Variants in ASIC2 observed in about 807,000 individuals in gnomAD.
ASIC2 encodes the protein acid-sensing ion channel 2.
Under a neutral mutation model 57.3 loss-of-function variants are expected in ASIC2, and 25 were observed. That is an observed-to-expected ratio of 0.44 (90% CI 0.32 to 0.61). The LOEUF (loss-of-function observed/expected upper bound fraction) is 0.61. Among genes scored for constraint, ASIC2 ranks in the 20% least tolerant of loss-of-function variants. The probability of loss-of-function intolerance (pLI) is 0.06; values close to 1 mark genes in which losing one functional copy is unlikely to be tolerated. For missense variants in ASIC2, 641 were observed against 738.1 expected (o/e 0.87, Z 1.52); for synonymous variants, 319 against 307.5 (o/e 1.04, Z -0.39).
chr17:33,901,370 T>C (rs1024782450), intron 1 of ASIC2, among the ~76,000 whole-genome samples: 4 of 152,142 alleles, frequency 2.6e-5, no homozygotes, highest in South Asian at 2.1e-4. Flanking sequence ...AGATAGAGCA[T>C]CTAGACTGTC....
chr17:33,393,838 G>A (rs1909984071), intron 1 of ASIC2, among the ~76,000 whole-genome samples: 1 of 152,100 alleles, frequency 6.6e-6, no homozygotes, highest in Non-Finnish European at 1.5e-5. Context: ...GCTTGACTGA[G>A]GCCATATGTT....
At chr17:33,809,897 T>C (rs1452961241) in intron 1 of ASIC2, among the ~76,000 whole-genome samples, 1 of 152,236 alleles carries the variant, frequency 6.6e-6, no homozygotes, top group Non-Finnish European at 1.5e-5. Context: ...TTCTTTTCAA[T>C]AAAGCAAGGA....
chr17:33,860,098 A>T (rs1365618246), intron 1 of ASIC2, among the ~76,000 whole-genome samples: 1 of 152,198 alleles, frequency 6.6e-6, no homozygotes, highest in Admixed American at 6.5e-5. Context: ...GGTGGCTCTG[A>T]GGAAGGCTAA....
intron 1 of ASIC2, among the ~76,000 whole-genome samples, chr17:33,969,578 C>T (rs62057448): frequency 0.16 from 24,549 of 152,156 alleles, 2,573 homozygotes; most frequent in East Asian, 0.3. Flanking sequence ...GAGCCCATTA[C>T]TATTGTGGAC....
intron 1 of ASIC2, among the ~76,000 whole-genome samples, chr17:33,636,288 G>A (rs1906361130): frequency 6.6e-6 from 1 of 152,124 alleles, no homozygotes; most frequent in African/African-American, 2.4e-5. Context: ...TATTTATAAG[G>A]ATATCCTGAG....
chr17:33,437,012 C>T (rs1416758403), intron 1 of ASIC2, among the ~76,000 whole-genome samples: 2 of 150,298 alleles, frequency 1.3e-5, no homozygotes, highest in African/African-American at 4.9e-5. Context: ...ACTACAGGCG[C>T]CCGCTACCAC....
intron 1 of ASIC2, among the ~76,000 whole-genome samples, chr17:33,427,217 A>G (rs770675633): frequency 1.3e-5 from 2 of 152,220 alleles, no homozygotes; most frequent in Non-Finnish European, 2.9e-5. Flanking sequence ...TTGGATTCAC[A>G]TGCTAAAAAT....
intron 1 of ASIC2, chr17:33,565,920 T>C (rs1916220247): frequency 1.3e-5 from 2 of 152,292 alleles, no homozygotes; most frequent in South Asian, 2.1e-4. Context: ...CCTGACAGCA[T>C]GGTGAGTGTT....
chr17:33,142,993 C>A (rs1311572318), intron 1 of ASIC2, among the ~76,000 whole-genome samples: 1 of 152,124 alleles, frequency 6.6e-6, no homozygotes, highest in Non-Finnish European at 1.5e-5. Flanking sequence ...CACATATAAA[C>A]CAAAAAGCTC....
chr17:33,674,663 T>C (rs1360829681), intron 1 of ASIC2, among the ~76,000 whole-genome samples: 1 of 152,192 alleles, frequency 6.6e-6, no homozygotes, highest in East Asian at 1.9e-4. Context: ...TCGAACAACT[T>C]GTAAGTTATG....
At chr17:33,683,389 G>A (rs946532687) in intron 1 of ASIC2, among the ~76,000 whole-genome samples, 3 of 152,096 alleles carry the variant, frequency 2.0e-5, no homozygotes, top group Non-Finnish European at 2.9e-5. Flanking sequence ...TAATTCTTTT[G>A]AAGACAAGTT....
At chr17:34,042,099 A>T (rs1908155927) in intron 1 of ASIC2, among the ~76,000 whole-genome samples, 1 of 152,246 alleles carries the variant, frequency 6.6e-6, no homozygotes, top group African/African-American at 2.4e-5. Context: ...TATGTAGAGC[A>T]CTATAATCCT....
chr17:33,574,799 G>T (rs1916563468), intron 1 of ASIC2, among the ~76,000 whole-genome samples: 1 of 151,622 alleles, frequency 6.6e-6, no homozygotes, highest in African/African-American at 2.4e-5. Context: ...GAGGAAGATA[G>T]AACGGCACAT....
chr17:33,525,817 T>G (rs1478295178), intron 1 of ASIC2, among the ~76,000 whole-genome samples: 1 of 152,216 alleles, frequency 6.6e-6, no homozygotes, highest in Non-Finnish European at 1.5e-5. Context: ...ATCCATCCTT[T>G]GGAGCCCAGC....
intron 1 of ASIC2, among the ~76,000 whole-genome samples, chr17:34,074,176 AC>A (rs1419428250): frequency 2.0e-5 from 3 of 152,110 alleles, no homozygotes; most frequent in African/African-American, 7.2e-5. Context: ...AGAACCAGCA[AC>A]CTATATTTTA....
chr17:33,644,789 T>C (rs1333811573), intron 1 of ASIC2, among the ~76,000 whole-genome samples: 1 of 152,218 alleles, frequency 6.6e-6, no homozygotes. Flanking sequence ...ATTGTCAACA[T>C]TTGTAAACTA....
At chr17:33,464,522 T>C (rs8065332) in intron 1 of ASIC2, among the ~76,000 whole-genome samples, 28 of 40,320 alleles carry the variant, frequency 6.9e-4, no homozygotes, top group Non-Finnish European at 1.3e-3. Context: ...CTTTCTTTCT[T>C]TCTTTCTTTC....
chr17:34,105,647 C>A (rs1376200349), intron 1 of ASIC2, among the ~76,000 whole-genome samples: 3 of 151,670 alleles, frequency 2.0e-5, no homozygotes, highest in Non-Finnish European at 3.0e-5. Context: ...TTAATAATTA[C>A]AAAAAATAAT....
chr17:33,566,969 T>A (rs1336342791), intron 1 of ASIC2, among the ~76,000 whole-genome samples: 7 of 152,134 alleles, frequency 4.6e-5, no homozygotes, highest in Non-Finnish European at 8.8e-5. Context: ...CCTGGTGAGA[T>A]CATGTTCATC....
Sources: gnomAD v4.1 joint callset for allele counts (sites outside exome capture counted in the v4.1 genomes callset) on GRCh38, gnomAD v4.1.1 for gene constraint, MANE v1.5 for transcripts, NCBI Gene and HGNC (gene_info 2026-07-23, HGNC 2026-07-21) for gene names.